RPS6KA6: variants seen among roughly 807,000 people sequenced by gnomAD.
The protein encoded by RPS6KA6 is ribosomal protein S6 kinase A6.
A neutral mutation model predicts 65.4 loss-of-function variants in RPS6KA6; 27 were observed. That is an observed-to-expected ratio of 0.41 (90% CI 0.30 to 0.57). The LOEUF is 0.57. RPS6KA6 is among the 20% of genes least tolerant of loss of function. RPS6KA6 has a pLI of 0.24. For missense variants in RPS6KA6, 486 were observed against 555.6 expected (o/e 0.87, Z 1.26); for synonymous variants, 190 against 184.2 (o/e 1.03, Z -0.26).
chrX:84,067,488 T>A (rs2033430862), intron 20 of RPS6KA6, among the ~76,000 whole-genome samples: 1 of 111,699 alleles, frequency 9.0e-6, no homozygotes, highest in Admixed American at 9.5e-5. Flanking sequence ...TACCCAAGTA[T>A]GGATAGTTGA....
chrX:84,141,995 T>C (rs887783843), intron 6 of RPS6KA6, among the ~76,000 whole-genome samples: 2 of 111,486 alleles, frequency 1.8e-5, no homozygotes, highest in Non-Finnish European at 3.8e-5. Context: ...ATATAGGCAA[T>C]TTAATATCAC....
At chrX:84,159,077 T>G (rs923516764) in intron 2 of RPS6KA6, among the ~76,000 whole-genome samples, 2 of 111,255 alleles carry the variant, frequency 1.8e-5, no homozygotes, top group Non-Finnish European at 3.8e-5. Context: ...TATACACATG[T>G]GTGTATGTGT....
chrX:84,141,278 G>C (rs1190301261), intron 6 of RPS6KA6, among the ~76,000 whole-genome samples: 1 of 110,206 alleles, frequency 9.1e-6, no homozygotes, highest in African/African-American at 3.3e-5. Flanking sequence ...GCCAAATTTA[G>C]CCTGAAGACC....
At chrX:84,070,825 A>C (rs1376814789) in intron 20 of RPS6KA6, among the ~76,000 whole-genome samples, 2 of 111,800 alleles carry the variant, frequency 1.8e-5, no homozygotes, top group Non-Finnish European at 3.8e-5. Flanking sequence ...TATTGGAAAA[A>C]TGAAAAAATT....
At position 84,105,808 on chromosome X, in the gene RPS6KA6, G is replaced by T. The variant is rs767663013; in HGVS notation, c.1434C>A (p.Pro478=). The T allele has an allele frequency of 1.7e-6, 2 of 1,148,839 alleles. No individual in the cohort carries two copies. The highest frequency in any genetic ancestry group is 4.5e-5 in the Admixed American group (2 of 44,241). 94.7% of individuals were successfully genotyped at this position (1,148,839 alleles called of 1,213,427 possible). Residue 478 remains proline (P), a synonymous_variant, in exon 16 of 22, where the codon CCC becomes CCA. Coordinates refer to ENST00000262752, the MANE Select transcript of RPS6KA6 (RefSeq NM_014496.5). ...CTACATCCTTCAAAGTAATAATGTT[G>T]GGATGTTGTCCATAGCGCATCAATA... ...IEILMRYGQH[P]NIITLKDVFD... is the part of the protein sequence containing the mutation.
chrX:84,156,255 A>AG, intron 2 of RPS6KA6, 64 bp from the exon 3 acceptor site: 1 of 612,798 alleles, frequency 1.6e-6, no homozygotes, highest in South Asian at 2.6e-5. Context: ...AGTTCCATTT[A>AG]AAATCAGAAG....
chrX:84,133,575 A>G (rs1182706369), intron 8 of RPS6KA6, among the ~76,000 whole-genome samples: 1 of 111,257 alleles, frequency 9.0e-6, no homozygotes, highest in Non-Finnish European at 1.9e-5. Context: ...ATCATTATTT[A>G]CGTAATTAAC....
At chrX:84,100,464 T>A (rs1282009042) in intron 18 of RPS6KA6, among the ~76,000 whole-genome samples, 1 of 111,416 alleles carries the variant, frequency 9.0e-6, no homozygotes, top group African/African-American at 3.2e-5. Flanking sequence ...CTTAACATTT[T>A]TCCAGTGAGA....
At chrX:84,090,032 C>CA (rs766477510) in intron 20 of RPS6KA6, among the ~76,000 whole-genome samples, 1 of 112,179 alleles carries the variant, frequency 8.9e-6, no homozygotes, top group East Asian at 2.8e-4. Context: ...TCACAGTACT[C>CA]AAATTTAATT....
chrX:84,149,500 G>A (rs1438025656), intron 3 of RPS6KA6, among the ~76,000 whole-genome samples: 3 of 111,994 alleles, frequency 2.7e-5, no homozygotes, highest in Non-Finnish European at 5.6e-5. Context: ...ATTATTCTTT[G>A]TTTCATGGGC....
intron 20 of RPS6KA6, among the ~76,000 whole-genome samples, chrX:84,079,114 G>A (rs1387281807): frequency 7.2e-5 from 8 of 111,233 alleles, no homozygotes; most frequent in African/African-American, 1.6e-4. Context: ...TGAGGTACCC[G>A]TAGTTGATCT....
rs755600651 is a variant in RPS6KA6 at position 84,078,288 on chromosome X, T to A, written c.1972-13177A>T. Reference sequence around the variant, plus strand: ...CACCTTTTAAAATAGCTAATTTTTTTAAAAAGGATCATATCCAGTGTTGCC... The same window carrying A: ...CACCTTTTAAAATAGCTAATTTTTTAAAAAAGGATCATATCCAGTGTTGCC... On this transcript the variant is annotated intron_variant, in intron 20 of 21. Coordinates refer to ENST00000262752, the MANE Select transcript of RPS6KA6 (RefSeq NM_014496.5). Among the ~76,000 whole-genome samples, 9 of 112,252 alleles carry A rather than the reference T, an allele frequency of 8.0e-5. No individual in the cohort carries two copies. The South Asian group carries it at 2.2e-3, about 27-fold the overall frequency.
intron 6 of RPS6KA6, among the ~76,000 whole-genome samples, chrX:84,137,509 T>C (rs1298812149): frequency 1.8e-5 from 2 of 111,169 alleles, no homozygotes; most frequent in African/African-American, 6.5e-5. Context: ...GGAGCATAAA[T>C]AGTCCAAGAT....
chrX:84,111,359 G>A (rs969193675), intron 12 of RPS6KA6, among the ~76,000 whole-genome samples: 2 of 111,081 alleles, frequency 1.8e-5, no homozygotes, highest in Admixed American at 9.6e-5. Flanking sequence ...AGACACTACA[G>A]AATACAAACA....
At position 84,148,141 on chromosome X, in the gene RPS6KA6, A is replaced by G. The variant is rs373276926; in HGVS notation, c.259-18T>C. On this transcript the variant is annotated intron_variant, in intron 3 of 21. Transcript: ENST00000262752. ...AGAAAAACCTAATAGAAAATTGAAC[A>G]AAAAAAAAAAGGAAAATTCACATTT... The G allele has an allele frequency of 2.4e-4, 129 of 542,739 alleles. No homozygotes were observed. In the African/African-American group the frequency reaches 2.8e-3, roughly 12 times the overall value. The allele number at this position is 542,739 out of a possible 1,213,427, so 44.7% of individuals were successfully genotyped here. A position where few individuals can be genotyped will look rare whatever the true frequency, so the allele number is the denominator to read the frequency against.
chrX:84,154,019 A>G (rs1404565121), intron 3 of RPS6KA6, among the ~76,000 whole-genome samples: 1 of 111,855 alleles, frequency 8.9e-6, no homozygotes, highest in African/African-American at 3.2e-5. Flanking sequence ...GTTATTGAAT[A>G]TATTTCATTA....
chrX:84,070,506 C>T (rs1415729570), intron 20 of RPS6KA6, among the ~76,000 whole-genome samples: 2 of 110,563 alleles, frequency 1.8e-5, no homozygotes, highest in African/African-American at 3.3e-5. Flanking sequence ...CACATGTATA[C>T]CTATATAACA....
intron 1 of RPS6KA6, among the ~76,000 whole-genome samples, chrX:84,186,411 T>A (rs754672143): frequency 3.2e-4 from 36 of 112,074 alleles, no homozygotes; most frequent in African/African-American, 1.1e-3. Context: ...GTGCAAACAG[T>A]TAGCATTCCC....
chrX:84,083,809 A>T (rs1470358686), intron 20 of RPS6KA6, among the ~76,000 whole-genome samples: 5 of 112,131 alleles, frequency 4.5e-5, no homozygotes, highest in Non-Finnish European at 9.4e-5. Flanking sequence ...TGTCTTCCAT[A>T]ATGGTTGAAC....
Sources: allele counts gnomAD v4.1 joint callset (sites outside exome capture counted in the v4.1 genomes callset), GRCh38; gene constraint gnomAD v4.1.1; transcripts MANE v1.5; gene names NCBI Gene and HGNC (gene_info 2026-07-23, HGNC 2026-07-21).